Variants in ADA2 observed in about 807,000 individuals in gnomAD.
ADA2 encodes adenosine deaminase 2, also known as adenosine deaminase CECR1.
A neutral mutation model predicts 44.2 loss-of-function variants in ADA2; 29 were observed. That is an observed-to-expected ratio of 0.66 (90% CI 0.49 to 0.89). The LOEUF (loss-of-function observed/expected upper bound fraction) is 0.89. Among genes scored for constraint, ADA2 ranks in the 40% least tolerant of loss-of-function variants. The pLI, the probability that ADA2 is intolerant of heterozygous loss-of-function variation, is 0.00. For synonymous variants in ADA2, 215 were observed against 234.9 expected (o/e 0.92, Z 0.77); for missense variants, 637 against 644.8 (o/e 0.99, Z 0.13).
chr22:17,220,756 T>C (rs568656003), upstream of ADA2, among the ~76,000 whole-genome samples: 5 of 152,146 alleles, frequency 3.3e-5, no homozygotes, highest in Admixed American at 6.5e-5. Flanking sequence ...GCAGCTCCCA[T>C]ACATCTGGAG....
chr22:17,185,190 A>G (rs1342160216), intron 7 of ADA2, among the ~76,000 whole-genome samples: 3 of 151,152 alleles, frequency 2.0e-5, no homozygotes, highest in Non-Finnish European at 4.4e-5. Context: ...AGGTGGGCGG[A>G]TCACGAGGTT....
intron 1 of ADA2, among the ~76,000 whole-genome samples, chr22:17,215,554 C>G (rs551760087): frequency 6.7e-6 from 1 of 149,974 alleles, no homozygotes; most frequent in Non-Finnish European, 1.5e-5. Flanking sequence ...TGCAGTGAGC[C>G]GAGATCATGC....
intron 4 of ADA2, chr22:17,193,291 C>T (rs901212397): frequency 1.3e-5 from 8 of 625,518 alleles, no homozygotes; most frequent in African/African-American, 1.2e-4. Flanking sequence ...TGCCAGGCTG[C>T]GCAGCAAAGA....
At chr22:17,221,819 G>T (rs1323465137), upstream of ADA2, 1 of 152,226 alleles carries the variant, frequency 6.6e-6, no homozygotes, top group African/African-American at 2.4e-5. Flanking sequence ...ACCTCATTCA[G>T]AAGGGGCCAT....
intron 1 of ADA2, among the ~76,000 whole-genome samples, chr22:17,211,288 G>C (rs1161841572): frequency 2.0e-5 from 3 of 151,584 alleles, no homozygotes; most frequent in Admixed American, 6.6e-5. Context: ...GAACCCAGGA[G>C]GCAGAGGTTA....
chr22:17,209,900 T>G, intron 1 of ADA2, 177 bp from the exon 2 acceptor site: 1 of 534,366 alleles, frequency 1.9e-6, no homozygotes, highest in Non-Finnish European at 3.3e-6. Flanking sequence ...TTTTTTTTTT[T>G]TTTTTTTTGA....
chr22:17,187,663 A>AT (rs1371306542), intron 7 of ADA2, among the ~76,000 whole-genome samples: 1 of 131,160 alleles, frequency 7.6e-6, no homozygotes, highest in African/African-American at 3.0e-5. Context: ...ACCACGAAAA[A>AT]TTAAAAAAAA....
intron 5 of ADA2, among the ~76,000 whole-genome samples, chr22:17,190,792 G>A (rs1407830858): frequency 1.3e-5 from 2 of 152,246 alleles, no homozygotes; most frequent in Non-Finnish European, 2.9e-5. Context: ...CCTGGCACCA[G>A]GGAGCCTCTG....
At chr22:17,202,414 C>T (rs2062300571) in intron 4 of ADA2, among the ~76,000 whole-genome samples, 1 of 152,026 alleles carries the variant, frequency 6.6e-6, no homozygotes, top group Non-Finnish European at 1.5e-5. Context: ...CATGAGCCAC[C>T]TCGCCCGGCC....
chr22:17,190,124 C>A, intron 5 of ADA2, 92 bp from the exon 6 acceptor site: 1 of 1,026,148 alleles, frequency 9.7e-7, no homozygotes, highest in Non-Finnish European at 1.5e-6. Flanking sequence ...CTGGGCCAGC[C>A]CCAAGTGTGC....
rs2061939767 is a variant in ADA2 at position 17,178,965 on chromosome 22, C to T, written c.*2518G>A. 1 of 152,118 alleles carries T rather than the reference C, an allele frequency of 6.6e-6. No homozygotes were observed. 9.4% of individuals were successfully genotyped at this position (152,118 alleles called of 1,614,324 possible). On this transcript the variant is annotated 3_prime_UTR_variant, in exon 10 of 10. Coordinates refer to ENST00000399837, the MANE Select transcript of ADA2 (RefSeq NM_001282225.2). Reference sequence around the variant, plus strand: ...AGTTAGACAGGACCCTAGAGGTTGTCTTCTTCCATCCAGGCACAGCTTATG... The same window carrying T: ...AGTTAGACAGGACCCTAGAGGTTGTTTTCTTCCATCCAGGCACAGCTTATG...
At chr22:17,218,780 TC>T (rs2062496983) in intron 1 of ADA2, among the ~76,000 whole-genome samples, 2 of 152,206 alleles carry the variant, frequency 1.3e-5, no homozygotes, top group Admixed American at 1.3e-4. Flanking sequence ...TATATCTACT[TC>T]ATCTTCTCTC....
upstream of ADA2, among the ~76,000 whole-genome samples, chr22:17,220,480 G>A (rs143967044): frequency 6.6e-4 from 101 of 152,302 alleles, no homozygotes; most frequent in Admixed American, 2.2e-3. Flanking sequence ...AGGGTCCATT[G>A]TCAGAATTAA....
chr22:17,182,071 G>A, intron 8 of ADA2, 49 bp from the exon 9 acceptor site: 1 of 1,483,652 alleles, frequency 6.7e-7, no homozygotes, highest in East Asian at 2.3e-5. Context: ...TCCCTAAAAA[G>A]AGTAGTCACA....
At chr22:17,208,818 T>TTTTTTTTTTTTTTTTTTTTTG (rs1568988096) in intron 2 of ADA2, among the ~76,000 whole-genome samples, 1 of 150,334 alleles carries the variant, frequency 6.7e-6, no homozygotes, top group South Asian at 2.1e-4. Context: ...AAATTTTTTT[T>TTTTTTTTTTTTTTTTTTTTTG]AATAAAAAAA....
rs752411661 is a variant in ADA2, at chr22:17,190,045, C to T, written c.882-13G>A. ...CACATCTTTGGATCTGTGAGACAGA[C>T]AGAGAAGCCAGGAGACAGTGCCCAG... On this transcript the variant is annotated splice_polypyrimidine_tract_variant and intron_variant, in intron 5 of 9. Transcript: ENST00000399837. 3 of 1,598,754 alleles carry T rather than the reference C, an allele frequency of 1.9e-6. No individual in the cohort carries two copies. The highest frequency in any genetic ancestry group is 1.3e-5 in the African/African-American group (1 of 74,636).
chr22:17,196,855 A>C (rs1312408354), intron 4 of ADA2, among the ~76,000 whole-genome samples: 1 of 152,192 alleles, frequency 6.6e-6, no homozygotes. Context: ...AAAAAATATT[A>C]ACAAATGACA....
At chr22:17,199,602 T>G in intron 4 of ADA2, 1 of 1,614,016 alleles carries the variant, frequency 6.2e-7, no homozygotes, top group Non-Finnish European at 8.5e-7. Flanking sequence ...AAAGGAAAAT[T>G]GAAGCCAGAT....
Position 17,193,145 on chromosome 22 carries a change from A to G in ADA2, c.754-1335T>C, listed in dbSNP as rs1300924582. The G allele has an allele frequency of 4.9e-6, 7 of 1,414,478 alleles. No homozygotes were observed. In the Admixed American group the frequency reaches 9.1e-5, roughly 18 times the overall value. 87.6% of individuals were successfully genotyped at this position (1,414,478 alleles called of 1,614,324 possible). Reference sequence around the variant, plus strand: ...TGGCTTCCAGAAGTTCCTGGTCCACAACATCAAGGAGCTGGAAGTGCTGCT... The same window carrying G: ...TGGCTTCCAGAAGTTCCTGGTCCACGACATCAAGGAGCTGGAAGTGCTGCT... On this transcript the variant is annotated intron_variant, in intron 4 of 9. Coordinates refer to ENST00000399837, the MANE Select transcript of ADA2 (RefSeq NM_001282225.2).
Sources: allele counts gnomAD v4.1 joint callset (sites outside exome capture counted in the v4.1 genomes callset), GRCh38; gene constraint gnomAD v4.1.1; transcripts MANE v1.5; gene names NCBI Gene and HGNC (gene_info 2026-07-23, HGNC 2026-07-21).